SPMIP8: variants seen among roughly 807,000 people sequenced by gnomAD.
SPMIP8 encodes testicular tissue protein Li 196.
chr16:57,984,540 C>A, the SPMIP8 span: 3 of 1,497,286 alleles, frequency 2.0e-6, no homozygotes, highest in Non-Finnish European at 2.7e-6. Context: ...ATGCACCGGG[C>A]CACTTGTCAA....
chr16:57,978,134 C>T, the SPMIP8 span: 1 of 1,386,244 alleles, frequency 7.2e-7, no homozygotes, highest in South Asian at 1.4e-5. Context: ...CCAGTCCCAG[C>T]TCTGCTGCTC....
the SPMIP8 span, chr16:57,985,558 C>T: frequency 6.3e-7 from 1 of 1,585,860 alleles, no homozygotes; most frequent in Non-Finnish European, 8.6e-7. Context: ...TAAGTGACGC[C>T]ACGCGCCCGG....
the SPMIP8 span, chr16:57,984,927 C>G: frequency 7.3e-7 from 1 of 1,361,466 alleles, no homozygotes; most frequent in East Asian, 2.6e-5. Context: ...AGGGCGGGGC[C>G]GCTGAGATGA....
the SPMIP8 span, chr16:57,985,041 G>T: frequency 9.2e-7 from 1 of 1,088,730 alleles, no homozygotes; most frequent in East Asian, 2.7e-5. Context: ...TCGGGCCGGG[G>T]GCTTTGCCCT....
the SPMIP8 span, chr16:57,985,109 T>TGGGCG: frequency 9.4e-7 from 1 of 1,059,096 alleles, no homozygotes. Context: ...GGCTGGATTG[T>TGGGCG]GGGCGGGGCT....
chr16:57,985,337 CG>C, the SPMIP8 span: 1 of 1,484,022 alleles, frequency 6.7e-7, no homozygotes, highest in Non-Finnish European at 9.0e-7. Context: ...CGGCTTAAGC[CG>C]GGGGTTGAGG....
chr16:57,978,039 G>T, the SPMIP8 span: 4 of 1,613,012 alleles, frequency 2.5e-6, no homozygotes, highest in Non-Finnish European at 3.4e-6. Flanking sequence ...CTGCCGCAAA[G>T]GTTAGGACAC....
chr16:57,981,074 G>T, the SPMIP8 span, among the ~76,000 whole-genome samples: 1 of 152,200 alleles, frequency 6.6e-6, no homozygotes, highest in East Asian at 1.9e-4. Flanking sequence ...CATGGCCTTA[G>T]GTCCTGTTAA....
the SPMIP8 span, chr16:57,976,573 T>G: frequency 6.2e-6 from 10 of 1,614,070 alleles, no homozygotes; most frequent in African/African-American, 4.0e-5. Context: ...GTCAAAGAAC[T>G]GAAAGTCCTT....
At chr16:57,979,849 C>T in the SPMIP8 span, among the ~76,000 whole-genome samples, 1 of 152,168 alleles carries the variant, frequency 6.6e-6, no homozygotes, top group Non-Finnish European at 1.5e-5. Flanking sequence ...AGGCAGATCA[C>T]GTGAGGTCAG....
At chr16:57,984,903 G>A in the SPMIP8 span, 1 of 1,452,436 alleles carries the variant, frequency 6.9e-7, no homozygotes, top group South Asian at 1.4e-5. Context: ...GCAGGCGGCG[G>A]GCCAGGCAGA....
the SPMIP8 span, chr16:57,976,644 A>C: frequency 6.2e-7 from 1 of 1,613,086 alleles, no homozygotes; most frequent in Non-Finnish European, 8.5e-7. Context: ...GGTGAGTCAG[A>C]AGCAGGGAGC....
chr16:57,979,285 G>A, the SPMIP8 span, among the ~76,000 whole-genome samples: 33 of 152,166 alleles, frequency 2.2e-4, no homozygotes, highest in African/African-American at 6.0e-4. Flanking sequence ...GAGACCGCAC[G>A]GAGATTACCA....
At chr16:57,983,671 G>A in the SPMIP8 span, among the ~76,000 whole-genome samples, 2 of 152,082 alleles carry the variant, frequency 1.3e-5, no homozygotes, top group Admixed American at 1.3e-4. Flanking sequence ...GAGTGCAGTG[G>A]CGCAATCTCA....
chr16:57,984,879 C>G, the SPMIP8 span: 7 of 1,496,326 alleles, frequency 4.7e-6, no homozygotes, highest in Non-Finnish European at 5.4e-6. Flanking sequence ...GGAACGTGGA[C>G]TGCGGACGGG....
the SPMIP8 span, among the ~76,000 whole-genome samples, chr16:57,984,074 T>C: frequency 2.0e-5 from 3 of 151,940 alleles, no homozygotes; most frequent in Admixed American, 2.0e-4. Flanking sequence ...TGGCTAATTT[T>C]TGCATTTTTA....
chr16:57,980,904 A>G, the SPMIP8 span, among the ~76,000 whole-genome samples: 1 of 152,224 alleles, frequency 6.6e-6, no homozygotes, highest in African/African-American at 2.4e-5. Context: ...GTGTGGAGAC[A>G]GGGTTACACT....
the SPMIP8 span, chr16:57,985,259 AC>A: frequency 1.3e-6 from 2 of 1,556,338 alleles, no homozygotes; most frequent in South Asian, 1.2e-5. Flanking sequence ...CGTGACCCAG[AC>A]CTGGCGGGTA....
chr16:57,985,113 C>T, the SPMIP8 span: 5 of 1,121,918 alleles, frequency 4.5e-6, no homozygotes, highest in Non-Finnish European at 5.7e-6. Flanking sequence ...GGATTGTGGG[C>T]GGGGCTGGAT....
Sources: allele counts gnomAD v4.1 joint callset (sites outside exome capture counted in the v4.1 genomes callset), GRCh38; gene constraint gnomAD v4.1.1; transcripts MANE v1.5; gene names NCBI Gene and HGNC (gene_info 2026-07-23, HGNC 2026-07-21).